The following RFX3 variants were observed in gnomAD, a reference collection of about 807,000 sequenced individuals.
RFX3 encodes transcription factor RFX3.
A neutral mutation model predicts 98.6 loss-of-function variants in RFX3; 14 were observed. The ratio of observed to expected loss-of-function variants is 0.14; its 90% confidence interval spans 0.09 to 0.22. RFX3 has a LOEUF of 0.22. Among genes scored for constraint, RFX3 ranks in the 10% least tolerant of loss-of-function variants. The probability of loss-of-function intolerance (pLI) is 1.00; values close to 1 mark genes in which losing one functional copy is unlikely to be tolerated. For missense variants in RFX3, 639 were observed against 926.9 expected (o/e 0.69, Z 4.03); for synonymous variants, 383 against 328.4 (o/e 1.17, Z -1.80).
intron 2 of RFX3, among the ~76,000 whole-genome samples, chr9:3,375,686 C>T (rs554809810): frequency 6.6e-6 from 1 of 152,284 alleles, no homozygotes; most frequent in East Asian, 1.9e-4. Flanking sequence ...ATTAGCCAGG[C>T]ATGGTGGCTC....
Position 3,301,852 on chromosome 9 carries a change from A to G in RFX3, c.475-232T>C, listed in dbSNP as rs766359223. On this transcript the variant is annotated intron_variant, in intron 4 of 16. Coordinates refer to ENST00000617270, the MANE Select transcript of RFX3 (RefSeq NM_001282116.2). ...AAAGTAAACCTTTTTTGAACATTCC[A>G]TAATTATAATCAGAATGGAGACCTG... Among the ~76,000 whole-genome samples the G allele has an allele frequency of 2.8e-4, 42 of 151,880 alleles. 1 individual carries two copies. Among genetic ancestry groups the G allele is most frequent in the Admixed American group, 4.6e-4 (7 of 15,184 alleles).
chr9:3,418,039 C>T (rs1307886248), intron 1 of RFX3, among the ~76,000 whole-genome samples: 2 of 152,156 alleles, frequency 1.3e-5, no homozygotes, highest in Admixed American at 6.5e-5. Flanking sequence ...TGTGAGCATT[C>T]TGTGCTTTAT....
intron 1 of RFX3, among the ~76,000 whole-genome samples, chr9:3,435,495 T>C (rs1845043349): frequency 6.6e-6 from 1 of 152,044 alleles, no homozygotes; most frequent in African/African-American, 2.4e-5. Context: ...GCTATAATAA[T>C]ATTTCAGCTC....
chr9:3,476,777 A>C (rs909661446), intron 1 of RFX3, among the ~76,000 whole-genome samples: 2 of 152,240 alleles, frequency 1.3e-5, no homozygotes, highest in African/African-American at 4.8e-5. Context: ...TGACAGGAAG[A>C]GGGAAGTTTT....
At chr9:3,518,973 C>T (rs1252071569) in intron 1 of RFX3, among the ~76,000 whole-genome samples, 1 of 152,148 alleles carries the variant, frequency 6.6e-6, no homozygotes, top group African/African-American at 2.4e-5. Context: ...CTCATCTTTA[C>T]ACAACTGACT....
chr9:3,350,182 A>T (rs1456571693), intron 2 of RFX3, among the ~76,000 whole-genome samples: 1 of 152,162 alleles, frequency 6.6e-6, no homozygotes, highest in African/African-American at 2.4e-5. Context: ...TGAAAAGACA[A>T]GCCACAAACT....
chr9:3,249,017 G>A (rs1244245759), intron 14 of RFX3, among the ~76,000 whole-genome samples: 1 of 151,938 alleles, frequency 6.6e-6, no homozygotes, highest in African/African-American at 2.4e-5. Flanking sequence ...TCATAATTTA[G>A]AATCAGAGTG....
chr9:3,493,730 T>C (rs969792913), intron 1 of RFX3, among the ~76,000 whole-genome samples: 2 of 135,700 alleles, frequency 1.5e-5, no homozygotes, highest in African/African-American at 2.7e-5. Context: ...TATATATACA[T>C]ACATACACAC....
chr9:3,388,132 C>G (rs1395921304), intron 2 of RFX3, among the ~76,000 whole-genome samples: 2 of 152,068 alleles, frequency 1.3e-5, no homozygotes, highest in African/African-American at 2.4e-5. Flanking sequence ...TAACGACATA[C>G]TACTCAGAAT....
chr9:3,382,036 A>C (rs1257077419), intron 2 of RFX3, among the ~76,000 whole-genome samples: 1 of 151,954 alleles, frequency 6.6e-6, no homozygotes, highest in Admixed American at 6.6e-5. Flanking sequence ...TGAAAAACAG[A>C]CTCCACTCTA....
At chr9:3,414,417 G>C (rs185343066) in intron 1 of RFX3, among the ~76,000 whole-genome samples, 33 of 151,762 alleles carry the variant, frequency 2.2e-4, no homozygotes, top group Admixed American at 1.5e-3. Flanking sequence ...ATTCATACTA[G>C]TTGAAAGATC....
intron 3 of RFX3, among the ~76,000 whole-genome samples, chr9:3,338,658 A>G (rs143115819): frequency 1.3e-5 from 2 of 152,280 alleles, no homozygotes; most frequent in African/African-American, 2.4e-5. Context: ...TGGGCACCAA[A>G]AGCTGGCATT....
intron 5 of RFX3, among the ~76,000 whole-genome samples, chr9:3,297,034 G>A (rs1190471212): frequency 1.3e-5 from 2 of 152,054 alleles, no homozygotes; most frequent in African/African-American, 4.8e-5. Flanking sequence ...TTGACTGTAA[G>A]AGAAACTTGG....
rs1840144492 is a variant in RFX3, at chr9:3,390,065, T to G, written c.117+5407A>C. Among the ~76,000 whole-genome samples the G allele has an allele frequency of 2.6e-5, 4 of 152,284 alleles. No individual in the cohort carries two copies. The South Asian group carries it at 8.3e-4, about 32-fold the overall frequency. On this transcript the variant is annotated intron_variant, in intron 2 of 16. Transcript: ENST00000617270. ...CGGTGAAATTAGAAGCCTTATGGCT[T>G]TGAAGAAACAGAAGAAGTGTATAAT...
intron 2 of RFX3, among the ~76,000 whole-genome samples, chr9:3,372,184 A>C (rs762851519): frequency 2.0e-5 from 3 of 152,180 alleles, no homozygotes; most frequent in Non-Finnish European, 4.4e-5. Flanking sequence ...AATACCAGGA[A>C]ATTAACCACC....
chr9:3,512,501 G>A lies in RFX3; in HGVS notation c.-9+13246C>T, dbSNP rs1464985280. Among the ~76,000 whole-genome samples the A allele has an allele frequency of 4.6e-5, 7 of 151,818 alleles. No homozygotes were observed. The East Asian group carries it at 1.4e-3, about 29-fold the overall frequency. On this transcript the variant is annotated intron_variant, in intron 1 of 16. Transcript: ENST00000617270. ...GATAAACTAATCAGATATCCCAACT[G>A]GATATGCTAATTTTGTGTTTTTTAT...
At chr9:3,392,094 G>C (rs1338911486) in intron 2 of RFX3, among the ~76,000 whole-genome samples, 1 of 152,120 alleles carries the variant, frequency 6.6e-6, no homozygotes, top group Non-Finnish European at 1.5e-5. Context: ...GAACATCAGA[G>C]GGTTCTTAAT....
chr9:3,451,796 CTAAATT>C (rs1299156630), intron 1 of RFX3, among the ~76,000 whole-genome samples: 4 of 149,866 alleles, frequency 2.7e-5, no homozygotes, highest in Non-Finnish European at 5.9e-5. Context: ...TTCTGTAAAT[CTAAATT>C]TATTCTAAAA....
chr9:3,299,703 C>T (rs1828417984), intron 5 of RFX3, among the ~76,000 whole-genome samples: 1 of 151,684 alleles, frequency 6.6e-6, no homozygotes. Context: ...TTAATTCAAA[C>T]ATTTATTAAT....
Sources: gnomAD v4.1 joint callset for allele counts (sites outside exome capture counted in the v4.1 genomes callset) on GRCh38, gnomAD v4.1.1 for gene constraint, MANE v1.5 for transcripts, NCBI Gene and HGNC (gene_info 2026-07-23, HGNC 2026-07-21) for gene names.